Variants in ERC1 observed in about 807,000 individuals in gnomAD.
ERC1 encodes the protein ELKS/RAB6-interacting/CAST family member 1.
In ERC1, 56 loss-of-function variants were observed where a neutral mutation model predicts 132.0. That is an observed-to-expected ratio of 0.42 (90% CI 0.34 to 0.53). ERC1 has a LOEUF of 0.53. Among genes scored for constraint, ERC1 ranks in the 20% least tolerant of loss-of-function variants. ERC1 has a pLI of 0.03. For missense variants in ERC1, 1,202 were observed against 1,349.9 expected (o/e 0.89, Z 1.72); for synonymous variants, 478 against 476.1 (o/e 1.00, Z -0.05).
At chr12:1,031,233 T>C (rs1036103373) in intron 2 of ERC1, among the ~76,000 whole-genome samples, 6 of 152,180 alleles carry the variant, frequency 3.9e-5, no homozygotes, top group Non-Finnish European at 5.9e-5. Flanking sequence ...ATATTCCAGA[T>C]CCTCCCATCT....
intron 15 of ERC1, among the ~76,000 whole-genome samples, chr12:1,334,852 T>C (rs1222212066): frequency 6.6e-6 from 1 of 152,258 alleles, no homozygotes; most frequent in Admixed American, 6.5e-5. Context: ...TGATTCTTCC[T>C]ATCCATGAGC....
chr12:1,375,110 G>A (rs1379786833), intron 16 of ERC1, among the ~76,000 whole-genome samples: 2 of 151,950 alleles, frequency 1.3e-5, no homozygotes, highest in East Asian at 1.9e-4. Flanking sequence ...CTGTGTGTTA[G>A]TCCGCTTCCA....
At chr12:1,269,762 C>T (rs929491646) in intron 14 of ERC1, among the ~76,000 whole-genome samples, 1 of 152,164 alleles carries the variant, frequency 6.6e-6, no homozygotes, top group African/African-American at 2.4e-5. Flanking sequence ...TCTAAACATA[C>T]GTATCCCTGA....
intron 18 of ERC1, among the ~76,000 whole-genome samples, chr12:1,463,533 A>G (rs983118652): frequency 6.6e-5 from 10 of 152,170 alleles, no homozygotes; most frequent in African/African-American, 2.4e-4. Flanking sequence ...CTCAACTCAG[A>G]TGCTGAACTC....
At chr12:1,444,461 T>G in intron 17 of ERC1, 101 bp from the exon 18 acceptor site, 1 of 797,404 alleles carries the variant, frequency 1.3e-6, no homozygotes, top group Non-Finnish European at 1.9e-6. Flanking sequence ...TTGGTCAATT[T>G]TCTTTGACTT....
chr12:1,458,581 C>A (rs1457388625), intron 18 of ERC1, among the ~76,000 whole-genome samples: 1 of 148,736 alleles, frequency 6.7e-6, no homozygotes. Context: ...GTTGCCCAGG[C>A]TGAAGTGCAA....
chr12:1,238,119 A>G (rs1485154554), intron 13 of ERC1, among the ~76,000 whole-genome samples: 2 of 151,300 alleles, frequency 1.3e-5, no homozygotes, highest in Non-Finnish European at 2.9e-5. Context: ...CTTGCCAATA[A>G]CAGTTAATAT....
intron 16 of ERC1, among the ~76,000 whole-genome samples, chr12:1,399,382 A>G (rs922593977): frequency 1.3e-5 from 2 of 152,190 alleles, no homozygotes; most frequent in African/African-American, 2.4e-5. Flanking sequence ...GCCATTCCAT[A>G]TTGTTTAGTA....
At chr12:1,070,294 CTTT>C (rs796396097) in intron 2 of ERC1, among the ~76,000 whole-genome samples, 1 of 148,766 alleles carries the variant, frequency 6.7e-6, no homozygotes, top group Non-Finnish European at 1.5e-5. Context: ...TTCTTACTTT[CTTT>C]TTTTCTTTTC....
intron 6 of ERC1, among the ~76,000 whole-genome samples, chr12:1,113,374 G>A (rs2154208548): frequency 6.6e-6 from 1 of 152,308 alleles, no homozygotes; most frequent in Admixed American, 6.5e-5. Flanking sequence ...TAACAGAATG[G>A]TGCCTAGGAA....
At chr12:1,093,957 C>CTATATATATATA (rs202076174) in intron 3 of ERC1, among the ~76,000 whole-genome samples, 3,470 of 68,658 alleles carry the variant, frequency 0.051, 295 homozygotes, top group African/African-American at 0.093. Flanking sequence ...ATATATTTTT[C>CTATATATATATA]TATATATATA....
intron 15 of ERC1, among the ~76,000 whole-genome samples, chr12:1,314,218 C>G (rs1390232427): frequency 6.6e-6 from 1 of 152,062 alleles, no homozygotes; most frequent in Non-Finnish European, 1.5e-5. Context: ...CTCTGTTTCT[C>G]CATCCATGAA....
intron 3 of ERC1, among the ~76,000 whole-genome samples, chr12:1,091,219 A>C (rs1017948193): frequency 6.6e-6 from 1 of 151,948 alleles, no homozygotes; most frequent in Non-Finnish European, 1.5e-5. Flanking sequence ...TTCCTTCATT[A>C]TTTGTTTCTT....
chr12:1,323,171 A>G (rs10848459), intron 15 of ERC1, among the ~76,000 whole-genome samples: 30,095 of 106,382 alleles, frequency 0.28, 4,179 homozygotes, highest in African/African-American at 0.45. Flanking sequence ...TTTTGGACGT[A>G]AGTGTGCAAT....
chr12:1,236,651 T>G (rs535694901), intron 12 of ERC1, 118 bp from the exon 13 acceptor site: 4 of 980,226 alleles, frequency 4.1e-6, no homozygotes, highest in East Asian at 5.3e-5. Context: ...TTTCGCAGCA[T>G]GTATTTATTC....
intron 13 of ERC1, among the ~76,000 whole-genome samples, chr12:1,255,621 CTTTTTTTTT>C (rs757949030): frequency 1.1e-4 from 7 of 61,556 alleles, no homozygotes; most frequent in African/African-American, 1.8e-4. Context: ...GCTTCCTGGC[CTTTTTTTTT>C]TTTTTTTTTT....
intron 7 of ERC1, among the ~76,000 whole-genome samples, chr12:1,122,217 ATCTCTATCTCTATCTCTATCTGTGTC>A (rs1947474757): frequency 7.5e-4 from 26 of 34,450 alleles, no homozygotes; most frequent in Non-Finnish European, 8.7e-4. Flanking sequence ...CTCTATCTCT[ATCTCTATCTCTATCTCTATCTGTGTC>A]TCTATCTCTA....
intron 14 of ERC1, among the ~76,000 whole-genome samples, chr12:1,288,561 C>A (rs1291060636): frequency 2.6e-5 from 4 of 152,210 alleles, no homozygotes; most frequent in African/African-American, 9.6e-5. Context: ...ACAGCTGTTA[C>A]CAATCAACGT....
intron 15 of ERC1, among the ~76,000 whole-genome samples, chr12:1,305,994 A>T (rs957647225): frequency 6.6e-6 from 1 of 152,062 alleles, no homozygotes; most frequent in African/African-American, 2.4e-5. Context: ...CTGAAATCTT[A>T]TTTTGTTTCC....
Sources: gnomAD v4.1 joint callset for allele counts (sites outside exome capture counted in the v4.1 genomes callset) on GRCh38, gnomAD v4.1.1 for gene constraint, MANE v1.5 for transcripts, NCBI Gene and HGNC (gene_info 2026-07-23, HGNC 2026-07-21) for gene names.